NHSL1: variants seen among roughly 807,000 people sequenced by gnomAD.
NHSL1 encodes NHS like 1, also known as NHS-like protein 1.
In NHSL1, 48 loss-of-function variants were observed where a neutral mutation model predicts 95.0. That is an observed-to-expected ratio of 0.51 (90% CI 0.40 to 0.64). NHSL1 has a LOEUF of 0.64. Ranked by LOEUF, NHSL1 falls within the 30% of genes least tolerant of loss-of-function variation. The pLI is 0.00. For missense variants in NHSL1, 1,971 were observed against 2,077.7 expected (o/e 0.95, Z 1.00); for synonymous variants, 783 against 833.9 (o/e 0.94, Z 1.05).
At chr6:138,665,116 A>G (rs2114743497) in intron 1 of NHSL1, among the ~76,000 whole-genome samples, 1 of 152,212 alleles carries the variant, frequency 6.6e-6, no homozygotes, top group South Asian at 2.1e-4. Flanking sequence ...TATTTTGTCT[A>G]TTTTCCATCT....
At chr6:138,496,030 G>T (rs1012057634) in intron 2 of NHSL1, among the ~76,000 whole-genome samples, 189 bp downstream of exon 2, 4 of 152,194 alleles carry the variant, frequency 2.6e-5, no homozygotes, top group Non-Finnish European at 5.9e-5. Flanking sequence ...TACAATTCAA[G>T]ATGAGATTTG....
chr6:138,452,122 A>G (rs964745961), intron 3 of NHSL1, among the ~76,000 whole-genome samples: 2 of 152,224 alleles, frequency 1.3e-5, no homozygotes, highest in African/African-American at 4.8e-5. Context: ...ATGTTCACCA[A>G]TACCCCATAT....
Position 138,477,754 on chromosome 6 carries a change from C to T in NHSL1, c.212-4321G>A, listed in dbSNP as rs572889775. Among the ~76,000 whole-genome samples, 103 of 152,104 alleles carry T rather than the reference C, an allele frequency of 6.8e-4. 2 individuals carry two copies. In the South Asian group the frequency reaches 0.021, roughly 30 times the overall value. On this transcript the variant is annotated intron_variant, in intron 2 of 7. Coordinates refer to ENST00000343505, the MANE Select transcript of NHSL1 (RefSeq NM_001144060.2). ...AGACTGTGTTTCAAAAGGACGTTTC[C>T]CTGGGAAATAAGAAGAGACTGCTGG...
intron 1 of NHSL1, among the ~76,000 whole-genome samples, chr6:138,557,415 A>G (rs1481055102): frequency 1.3e-5 from 2 of 152,152 alleles, no homozygotes; most frequent in African/African-American, 4.8e-5. Context: ...AGACCCCCCC[A>G]CACAAGGTAA....
rs180708542 is a variant in NHSL1, at chr6:138,439,815, A to G, written c.664+2168T>C. On this transcript the variant is annotated intron_variant, in intron 5 of 7. Transcript: ENST00000343505. Reference sequence around the variant, plus strand: ...GGAAAGCTATTTTCTTCCCTCCAGCATTAGTGACGTTCCATGTCACATGTA... The same window carrying G: ...GGAAAGCTATTTTCTTCCCTCCAGCGTTAGTGACGTTCCATGTCACATGTA... 2.4e-4 allele frequency among the ~76,000 whole-genome samples: 37 copies of G among 151,928 alleles called. No homozygotes were observed. In the East Asian group the frequency reaches 4.6e-3, roughly 19 times the overall value.
intron 1 of NHSL1, among the ~76,000 whole-genome samples, chr6:138,530,115 T>C (rs1782073496): frequency 6.6e-6 from 1 of 152,196 alleles, no homozygotes; most frequent in South Asian, 2.1e-4. Flanking sequence ...CCCAATGTGA[T>C]GGTATTAGGA....
At chr6:138,638,602 A>G (rs1420080932) in intron 1 of NHSL1, among the ~76,000 whole-genome samples, 1 of 152,232 alleles carries the variant, frequency 6.6e-6, no homozygotes, top group Admixed American at 6.5e-5. Context: ...CTACATCAAA[A>G]GAAAAAGAAA....
intron 1 of NHSL1, among the ~76,000 whole-genome samples, chr6:138,520,071 T>G (rs1781614291): frequency 6.6e-6 from 1 of 152,142 alleles, no homozygotes. Context: ...CCAATTGTTA[T>G]GTGTTCTTTA....
intron 1 of NHSL1, among the ~76,000 whole-genome samples, chr6:138,522,760 G>A (rs898658711): frequency 2.6e-5 from 4 of 152,114 alleles, no homozygotes; most frequent in African/African-American, 7.2e-5. Flanking sequence ...GCAGTGAGCC[G>A]TGATTGTGCC....
intron 1 of NHSL1, among the ~76,000 whole-genome samples, chr6:138,589,088 G>A (rs1359782771): frequency 6.6e-6 from 1 of 152,144 alleles, no homozygotes; most frequent in Non-Finnish European, 1.5e-5. Context: ...CCTAACACCC[G>A]CCAAAATTGC....
At chr6:138,475,029 T>C (rs13202228) in intron 2 of NHSL1, among the ~76,000 whole-genome samples, 8,422 of 151,582 alleles carry the variant, frequency 0.056, 641 homozygotes, top group East Asian at 0.3. Flanking sequence ...ATGCCTGTAA[T>C]CCCAGCTACT....
chr6:138,675,484 G>C (rs1785436495), intron 1 of NHSL1, among the ~76,000 whole-genome samples: 1 of 152,018 alleles, frequency 6.6e-6, no homozygotes. Context: ...TGGTATACTG[G>C]TTGTCACCTA....
chr6:138,537,086 AAG>A (rs1782384962), intron 1 of NHSL1, among the ~76,000 whole-genome samples: 1 of 152,230 alleles, frequency 6.6e-6, no homozygotes, highest in African/African-American at 2.4e-5. Context: ...CTGATGTGGA[AAG>A]AGTTTGTAAA....
At chr6:138,601,299 T>C (rs541161078) in intron 1 of NHSL1, among the ~76,000 whole-genome samples, 2 of 152,254 alleles carry the variant, frequency 1.3e-5, no homozygotes, top group East Asian at 3.9e-4. Flanking sequence ...TGTTCTCCAG[T>C]CCCAAGCTAA....
upstream of NHSL1, among the ~76,000 whole-genome samples, chr6:138,550,352 A>T (rs1187414582): frequency 7.2e-5 from 11 of 152,240 alleles, no homozygotes; most frequent in Non-Finnish European, 1.0e-4. Flanking sequence ...AGAACTATCC[A>T]TTGAAATTAT....
intron 1 of NHSL1, among the ~76,000 whole-genome samples, chr6:138,601,768 C>T (rs1244435597): frequency 6.6e-6 from 1 of 151,916 alleles, no homozygotes; most frequent in Non-Finnish European, 1.5e-5. Flanking sequence ...ACCGAGATCA[C>T]GCCACTGGAT....
At chr6:138,570,281 T>C (rs1783790259) in intron 1 of NHSL1, among the ~76,000 whole-genome samples, 1 of 152,154 alleles carries the variant, frequency 6.6e-6, no homozygotes, top group Non-Finnish European at 1.5e-5. Flanking sequence ...ATCAAAACTA[T>C]ACCCTCCTGC....
intron 1 of NHSL1, among the ~76,000 whole-genome samples, chr6:138,636,164 A>C (rs958511547): frequency 6.6e-6 from 1 of 151,920 alleles, no homozygotes; most frequent in Non-Finnish European, 1.5e-5. Flanking sequence ...GAAGGAAAAA[A>C]AACATATGGT....
At chr6:138,604,300 G>A (rs1487019471) in intron 1 of NHSL1, among the ~76,000 whole-genome samples, 1 of 152,164 alleles carries the variant, frequency 6.6e-6, no homozygotes, top group Non-Finnish European at 1.5e-5. Context: ...AATGCCAGAG[G>A]CTTCCCTGTA....
Sources: gnomAD v4.1 joint callset for allele counts (sites outside exome capture counted in the v4.1 genomes callset) on GRCh38, gnomAD v4.1.1 for gene constraint, MANE v1.5 for transcripts, NCBI Gene and HGNC (gene_info 2026-07-23, HGNC 2026-07-21) for gene names.